The following CDC42BPB variants were observed in gnomAD, a reference collection of about 807,000 sequenced individuals.
CDC42BPB encodes the protein CDC42 binding protein kinase beta.
CDC42BPB carries 37 observed loss-of-function variants against 214.9 expected under a neutral mutation model. The observed-to-expected ratio is 0.17, with a 90% CI of 0.13 to 0.23. The LOEUF (loss-of-function observed/expected upper bound fraction) is 0.23. Among genes scored for constraint, CDC42BPB ranks in the 10% least tolerant of loss-of-function variants. The probability of loss-of-function intolerance (pLI) is 1.00; values close to 1 mark genes in which losing one functional copy is unlikely to be tolerated. For synonymous variants in CDC42BPB, 931 were observed against 884.0 expected (o/e 1.05, Z -0.94); for missense variants, 1,694 against 2,227.0 (o/e 0.76, Z 4.82).
chr14:102,962,977 CTAT>C, intron 20 of CDC42BPB, 81 bp downstream of exon 20: 13 of 678,592 alleles, frequency 1.9e-5, no homozygotes, highest in Non-Finnish European at 3.0e-5. Flanking sequence ...TCTAAAGTAA[CTAT>C]TAAGTCGAAA....
rs555655311 is a variant in CDC42BPB, at chr14:102,943,264, G to A, written c.4408+627C>T. ...GCTGGGATTACAGGTGTGAGCCACCGCTCTCCACCCGGTTTAAGGTTTTAA... is the reference window on the plus strand; with the variant it reads ...GCTGGGATTACAGGTGTGAGCCACCACTCTCCACCCGGTTTAAGGTTTTAA... On this transcript the variant is annotated intron_variant, in intron 30 of 36. Transcript: ENST00000361246. The surrounding 1 kb of genome is among the most constrained non-coding windows in gnomAD (Gnocchi z 4.6). Among the ~76,000 whole-genome samples the A allele has an allele frequency of 4.6e-5, 7 of 152,256 alleles. No individual in the cohort carries two copies. Among genetic ancestry groups the A allele is most frequent in the East Asian group, 1.9e-4 (1 of 5,176 alleles).
At chr14:103,007,185 G>A (rs1193044718) in intron 3 of CDC42BPB, among the ~76,000 whole-genome samples, 1 of 152,178 alleles carries the variant, frequency 6.6e-6, no homozygotes, top group African/African-American at 2.4e-5. Flanking sequence ...TGAGACCAGG[G>A]TAACTACAAA....
intron 6 of CDC42BPB, among the ~76,000 whole-genome samples, chr14:102,985,432 T>C (rs1894201020): frequency 6.6e-6 from 1 of 151,210 alleles, no homozygotes; most frequent in Admixed American, 6.6e-5. Context: ...GCTCTGGTTA[T>C]ACTGTGACAG....
In CDC42BPB at chr14:102,954,584, A is replaced by G; in HGVS notation, c.2988+18T>C. The stretch of plus-strand genomic sequence containing the variant: ...GCAGACCCCAGGTGGGAGCATCACC[A>G]GGGCAACGCTGTCTCACCTCCTGCT... On this transcript the variant is annotated intron_variant, in intron 22 of 36. Coordinates refer to ENST00000361246, the MANE Select transcript of CDC42BPB (RefSeq NM_006035.4). The G allele has an allele frequency of 6.3e-7, 1 of 1,599,738 alleles. No homozygotes were observed. The highest frequency in any genetic ancestry group is 8.6e-7 in the Non-Finnish European group (1 of 1,167,806).
chr14:103,022,943 A>T (rs1299036240), intron 1 of CDC42BPB, among the ~76,000 whole-genome samples: 2 of 151,930 alleles, frequency 1.3e-5, no homozygotes, highest in Non-Finnish European at 2.9e-5. Flanking sequence ...TTCTCTTAAG[A>T]ACTGTTCATT....
chr14:102,978,695 ATCTT>A (rs1326112957), intron 8 of CDC42BPB, among the ~76,000 whole-genome samples: 1 of 152,148 alleles, frequency 6.6e-6, no homozygotes, highest in East Asian at 1.9e-4. Flanking sequence ...CATTCTGAGG[ATCTT>A]TCTTTATTAA....
At chr14:103,018,169 T>G (rs1886573113) in intron 1 of CDC42BPB, among the ~76,000 whole-genome samples, 1 of 152,146 alleles carries the variant, frequency 6.6e-6, no homozygotes, top group African/African-American at 2.4e-5. Flanking sequence ...GCCACGCTGA[T>G]CTGACCGGAG....
intron 5 of CDC42BPB, among the ~76,000 whole-genome samples, chr14:102,998,333 A>G (rs1894832594): frequency 6.6e-6 from 1 of 152,238 alleles, no homozygotes; most frequent in Admixed American, 6.5e-5. Flanking sequence ...ACATGAAGGC[A>G]GATGCTGGAA....
chr14:103,042,404 G>A (rs994653449), intron 1 of CDC42BPB, among the ~76,000 whole-genome samples: 10 of 151,820 alleles, frequency 6.6e-5, no homozygotes, highest in Non-Finnish European at 1.2e-4. Flanking sequence ...TCCGCCTCCC[G>A]GGTTCACGCC....
intron 1 of CDC42BPB, among the ~76,000 whole-genome samples, chr14:103,038,717 G>T (rs1887811500): frequency 1.2e-5 from 1 of 84,368 alleles, no homozygotes; most frequent in African/African-American, 7.8e-5. Flanking sequence ...TGTAGAGACG[G>T]GGGGGGGGGG....
At chr14:102,978,823 A>G (rs1336123860) in intron 8 of CDC42BPB, among the ~76,000 whole-genome samples, 1 of 152,192 alleles carries the variant, frequency 6.6e-6, no homozygotes, top group Non-Finnish European at 1.5e-5. Context: ...CTAGGCCAAC[A>G]TGGTGAAACC....
intron 36 of CDC42BPB, among the ~76,000 whole-genome samples, chr14:102,936,055 A>T (rs1006142457): frequency 8.5e-5 from 13 of 152,258 alleles, no homozygotes; most frequent in Admixed American, 5.2e-4. Context: ...ATCAGGTACT[A>T]CTTCATAGCC....
At chr14:102,977,962 T>A (rs540402000) in intron 9 of CDC42BPB, among the ~76,000 whole-genome samples, 164 bp downstream of exon 9, 1 of 152,218 alleles carries the variant, frequency 6.6e-6, no homozygotes, top group South Asian at 2.1e-4. Context: ...AGTCATCAGG[T>A]GTGCATATTT....
At chr14:102,983,842 G>A (rs1894117490) in intron 6 of CDC42BPB, 86 bp from the exon 7 acceptor site, 3 of 1,496,098 alleles carry the variant, frequency 2.0e-6, no homozygotes, top group Non-Finnish European at 2.7e-6. Context: ...TATAGCGGAG[G>A]CAGAAAATGA....
chr14:103,053,480 G>T (rs138639927), intron 1 of CDC42BPB, among the ~76,000 whole-genome samples: 1 of 151,944 alleles, frequency 6.6e-6, no homozygotes, highest in Non-Finnish European at 1.5e-5. Context: ...GAAATGACTC[G>T]GCCAGGCACG....
At chr14:103,052,644 G>A (rs1888672871) in intron 1 of CDC42BPB, among the ~76,000 whole-genome samples, 1 of 152,146 alleles carries the variant, frequency 6.6e-6, no homozygotes, top group South Asian at 2.1e-4. Context: ...CAGAAGACTA[G>A]GAGGATTAAT....
intron 27 of CDC42BPB, 125 bp downstream of exon 27, chr14:102,947,596 G>A: frequency 2.4e-6 from 2 of 823,940 alleles, no homozygotes; most frequent in South Asian, 3.0e-5. Context: ...CTGGAGCCAG[G>A]CTGGAGGTTG....
chr14:102,967,549 C>A (rs1893266939), intron 16 of CDC42BPB, among the ~76,000 whole-genome samples: 1 of 152,250 alleles, frequency 6.6e-6, no homozygotes, highest in Admixed American at 6.5e-5. Context: ...TGCACTCACG[C>A]AAGCCTAGAC....
At chr14:103,020,808 G>A (rs960383567) in intron 1 of CDC42BPB, among the ~76,000 whole-genome samples, 1 of 152,238 alleles carries the variant, frequency 6.6e-6, no homozygotes, top group Non-Finnish European at 1.5e-5. Context: ...CGGTTCAGAC[G>A]GCTGACGCAG....
Sources: allele counts gnomAD v4.1 joint callset (sites outside exome capture counted in the v4.1 genomes callset), GRCh38; gene constraint gnomAD v4.1.1; non-coding constraint Gnocchi (gnomAD v3.1); transcripts MANE v1.5; gene names NCBI Gene and HGNC (gene_info 2026-07-23, HGNC 2026-07-21).